The following RBFOX1 variants were observed in gnomAD, a reference collection of about 807,000 sequenced individuals.
RBFOX1 encodes RNA binding fox-1 homolog 1.
In RBFOX1, 8 loss-of-function variants were observed where a neutral mutation model predicts 57.7. That is an observed-to-expected ratio of 0.14 (90% CI 0.08 to 0.25). The LOEUF (loss-of-function observed/expected upper bound fraction) is 0.25. Ranked by LOEUF, RBFOX1 falls within the 10% of genes least tolerant of loss-of-function variation. The pLI, the probability that RBFOX1 is intolerant of heterozygous loss-of-function variation, is 1.00. For missense variants in RBFOX1, 611 were observed against 548.5 expected, an observed-to-expected ratio of 1.11 and a Z score of -1.14; for synonymous variants, 326 against 222.4, an observed-to-expected ratio of 1.47 and a Z score of -4.15.
chr16:6,818,896 G>C (rs1231644853), intron 3 of RBFOX1, among the ~76,000 whole-genome samples: 1 of 152,342 alleles, frequency 6.6e-6, no homozygotes, highest in East Asian at 1.9e-4. Context: ...TTTGGAAAGA[G>C]ACTCGATTTC....
At chr16:7,372,576 G>T (rs977294957) in intron 4 of RBFOX1, among the ~76,000 whole-genome samples, 2 of 152,172 alleles carry the variant, frequency 1.3e-5, no homozygotes, top group Admixed American at 1.3e-4. Flanking sequence ...GATTGCATCT[G>T]ACTTAGGAAG....
At chr16:5,470,306 C>G (rs1278259207) in intron 2 of RBFOX1, among the ~76,000 whole-genome samples, 1 of 152,184 alleles carries the variant, frequency 6.6e-6, no homozygotes, top group African/African-American at 2.4e-5. Context: ...GGGAGACAGG[C>G]TCTTCTCACC....
At chr16:6,668,816 G>A (rs868682973) in intron 3 of RBFOX1, among the ~76,000 whole-genome samples, 1 of 5,414 alleles carries the variant, frequency 1.8e-4, no homozygotes, top group South Asian at 0.25. Context: ...AAAGAAGCAA[G>A]TCTATTTTGT....
intron 3 of RBFOX1, among the ~76,000 whole-genome samples, chr16:6,661,493 G>A (rs974075989): frequency 6.6e-6 from 1 of 152,208 alleles, no homozygotes; most frequent in Non-Finnish European, 1.5e-5. Flanking sequence ...AGGGTTCTGT[G>A]TCAATCCTCT....
intron 2 of RBFOX1, among the ~76,000 whole-genome samples, chr16:6,329,951 A>G (rs541539220): frequency 3.9e-5 from 6 of 152,106 alleles, no homozygotes; most frequent in Non-Finnish European, 7.4e-5. Context: ...ACAAATAACA[A>G]CAACAAAAAC....
At chr16:7,313,001 C>T (rs949493979) in intron 4 of RBFOX1, among the ~76,000 whole-genome samples, 1 of 152,062 alleles carries the variant, frequency 6.6e-6, no homozygotes, top group South Asian at 2.1e-4. Flanking sequence ...CTGACACGTG[C>T]ATTTTCATGC....
intron 14 of RBFOX1, among the ~76,000 whole-genome samples, chr16:7,678,297 T>G (rs569394151): frequency 6.6e-6 from 1 of 152,262 alleles, no homozygotes; most frequent in African/African-American, 2.4e-5. Flanking sequence ...CCAACACACT[T>G]TGACACTGGA....
intron 1 of RBFOX1, among the ~76,000 whole-genome samples, chr16:6,150,941 G>C (rs1483747563): frequency 1.3e-5 from 2 of 152,106 alleles, no homozygotes; most frequent in South Asian, 4.1e-4. Flanking sequence ...CCCTACATTT[G>C]TGCTAGCCTC....
At chr16:5,249,823 G>T (rs1229947157) in intron 1 of RBFOX1, among the ~76,000 whole-genome samples, 1 of 152,204 alleles carries the variant, frequency 6.6e-6, no homozygotes. Flanking sequence ...GCTGGGCTTG[G>T]TGGTGCCCAC....
intron 1 of RBFOX1, among the ~76,000 whole-genome samples, chr16:5,442,779 C>T (rs2068123025): frequency 6.6e-6 from 1 of 152,294 alleles, no homozygotes; most frequent in African/African-American, 2.4e-5. Context: ...TCATTATTCC[C>T]TGTTGTGGAC....
chr16:7,697,296 T>G (rs1320143468), intron 14 of RBFOX1, among the ~76,000 whole-genome samples: 3 of 152,108 alleles, frequency 2.0e-5, no homozygotes, highest in East Asian at 3.9e-4. Flanking sequence ...AGATTAGAAG[T>G]GTACAAGCTC....
chr16:7,519,986 C>T (rs569040108), intron 5 of RBFOX1, among the ~76,000 whole-genome samples: 2 of 152,198 alleles, frequency 1.3e-5, no homozygotes, highest in Non-Finnish European at 2.9e-5. Context: ...CCCAGGTTCA[C>T]GCCATTCTCC....
At chr16:5,610,841 C>T (rs1043422632) in intron 3 of RBFOX1, among the ~76,000 whole-genome samples, 8 of 152,028 alleles carry the variant, frequency 5.3e-5, no homozygotes, top group African/African-American at 1.9e-4. Context: ...GCACTCCAGC[C>T]TGGGTGACAG....
intron 4 of RBFOX1, among the ~76,000 whole-genome samples, chr16:7,166,080 C>G (rs894711401): frequency 6.6e-6 from 1 of 152,046 alleles, no homozygotes; most frequent in Admixed American, 6.6e-5. Context: ...GTGGATTGAT[C>G]TCAGCCCACT....
intron 4 of RBFOX1, among the ~76,000 whole-genome samples, chr16:7,117,281 T>C (rs1428292560): frequency 6.6e-6 from 1 of 152,256 alleles, no homozygotes; most frequent in East Asian, 1.9e-4. Context: ...CAGCCTAGCT[T>C]ATAAAGTTAT....
intron 3 of RBFOX1, among the ~76,000 whole-genome samples, chr16:6,777,651 T>G (rs2079603492): frequency 6.6e-6 from 1 of 152,160 alleles, no homozygotes; most frequent in Non-Finnish European, 1.5e-5. Context: ...ATCCAGTTTC[T>G]TAGCCTGACA....
At chr16:7,542,051 G>A (rs2083095922) in intron 5 of RBFOX1, among the ~76,000 whole-genome samples, 1 of 152,126 alleles carries the variant, frequency 6.6e-6, no homozygotes, top group African/African-American at 2.4e-5. Flanking sequence ...GTGGGTACTG[G>A]CAGCTTTCGT....
rs147844184 is a variant in RBFOX1 at position 5,689,266 on chromosome 16, T to C, written c.318+90305T>C. 6.0e-3 allele frequency among the ~76,000 whole-genome samples: 909 copies of C among 152,314 alleles called. 10 individuals carry two copies. The highest frequency in any genetic ancestry group is 0.021 in the African/African-American group (879 of 41,560). On this transcript the variant is annotated intron_variant, in intron 3 of 19. Transcript: ENST00000641259. ...TGATTTTGAGGCTTTGAGCAAATCATTTACAAGTTACCTGCTGGTAATGTG... is the reference window on the plus strand; with the variant it reads ...TGATTTTGAGGCTTTGAGCAAATCACTTACAAGTTACCTGCTGGTAATGTG...
At chr16:7,578,435 AT>A (rs2093497729) in intron 5 of RBFOX1, among the ~76,000 whole-genome samples, 1 of 152,218 alleles carries the variant, frequency 6.6e-6, no homozygotes. Flanking sequence ...TTATTTCAAA[AT>A]GCGATTCAGG....
Sources: gnomAD v4.1 joint callset for allele counts (sites outside exome capture counted in the v4.1 genomes callset) on GRCh38, gnomAD v4.1.1 for gene constraint, MANE v1.5 for transcripts, NCBI Gene and HGNC (gene_info 2026-07-23, HGNC 2026-07-21) for gene names.